VPS54: variants seen among roughly 807,000 people sequenced by gnomAD.
VPS54 encodes VPS54 subunit of GARP complex.
A neutral mutation model predicts 121.5 loss-of-function variants in VPS54; 45 were observed. That is an observed-to-expected ratio of 0.37 (90% CI 0.29 to 0.47). The LOEUF (loss-of-function observed/expected upper bound fraction) is 0.47. Ranked by LOEUF, VPS54 falls within the 20% of genes least tolerant of loss-of-function variation. The pLI is 0.99. For synonymous variants in VPS54, 371 were observed against 385.8 expected, an observed-to-expected ratio of 0.96 and a Z score of 0.45; for missense variants, 1,090 against 1,131.4, an observed-to-expected ratio of 0.96 and a Z score of 0.52.
At chr2:63,923,739 T>C (rs1461742250) in intron 12 of VPS54, among the ~76,000 whole-genome samples, 1 of 152,244 alleles carries the variant, frequency 6.6e-6, no homozygotes, top group East Asian at 1.9e-4. Context: ...GAAAAGTATT[T>C]CCTATTCTGT....
At chr2:63,954,048 A>C (rs1675381367) in intron 7 of VPS54, among the ~76,000 whole-genome samples, 1 of 152,200 alleles carries the variant, frequency 6.6e-6, no homozygotes, top group African/African-American at 2.4e-5. Flanking sequence ...TCCACTACAA[A>C]AGCCTAGAAA....
At chr2:64,007,678 C>T (rs1163571056) in intron 1 of VPS54, among the ~76,000 whole-genome samples, 3 of 152,106 alleles carry the variant, frequency 2.0e-5, no homozygotes, top group Non-Finnish European at 4.4e-5. Flanking sequence ...TACAGATAGT[C>T]ACAGGAAAGT....
At chr2:63,964,617 T>G (rs1017554164) in intron 6 of VPS54, among the ~76,000 whole-genome samples, 4 of 152,208 alleles carry the variant, frequency 2.6e-5, no homozygotes, top group African/African-American at 4.8e-5. Flanking sequence ...AAAACCTTTT[T>G]ATAGGTGACA....
At chr2:63,986,063 A>C (rs542786512) in intron 1 of VPS54, among the ~76,000 whole-genome samples, 43 of 152,304 alleles carry the variant, frequency 2.8e-4, no homozygotes, top group African/African-American at 1.0e-3. Flanking sequence ...ACAGCAAAAA[A>C]CATTTTTGAA....
Position 63,912,427 on chromosome 2 carries a change from T to G in VPS54, c.2545-2A>C, listed in dbSNP as rs1673188858. On this transcript the variant is annotated splice_acceptor_variant, in intron 19 of 22. Transcript: ENST00000272322. LOFTEE classifies it high-confidence loss of function. Reference sequence around the variant, plus strand: ...TTCAGCTATGTGATCATGGTAGTCCTGCAATGAGAAATGATAATTGTATTT... The same window carrying G: ...TTCAGCTATGTGATCATGGTAGTCCGGCAATGAGAAATGATAATTGTATTT... 6.2e-7 allele frequency: 1 copy of G among 1,612,196 alleles called. No individual in the cohort carries two copies. Among genetic ancestry groups the G allele is most frequent in the Non-Finnish European group, 8.5e-7 (1 of 1,178,992 alleles).
Position 63,944,709 on chromosome 2 carries a change from T to G in VPS54, c.1246-54A>C. 3 of 1,464,140 alleles carry G rather than the reference T, an allele frequency of 2.0e-6. No homozygotes were observed. In the South Asian group the frequency reaches 3.5e-5, roughly 17 times the overall value. The allele number at this position is 1,464,140 out of a possible 1,614,324, so 90.7% of individuals were successfully genotyped here. ...ATTTGATTAATTGTCTTTCAAATCCTAAGTATTCCATGTTCCATTTGTACA... is the reference window on the plus strand; with the variant it reads ...ATTTGATTAATTGTCTTTCAAATCCGAAGTATTCCATGTTCCATTTGTACA... On this transcript the variant is annotated intron_variant, in intron 9 of 22. Coordinates refer to ENST00000272322, the MANE Select transcript of VPS54 (RefSeq NM_016516.3).
rs569034631 is a variant in VPS54 at position 63,892,634 on chromosome 2, C to T, written c.*796G>A. On this transcript the variant is annotated 3_prime_UTR_variant, in exon 23 of 23. Coordinates refer to ENST00000272322, the MANE Select transcript of VPS54 (RefSeq NM_016516.3). ...GCTACAAATAAAAACACCCCAAACC[C>T]TTCATCATACTTTTATAAAAATACA... 6.5e-6 allele frequency: 1 copy of T among 152,672 alleles called. No homozygotes were observed. The highest frequency in any genetic ancestry group is 1.5e-5 in the Non-Finnish European group (1 of 68,028). 9.5% of individuals were successfully genotyped at this position (152,672 alleles called of 1,614,324 possible). A position where few individuals can be genotyped will look rare whatever the true frequency, so the allele number is the denominator to read the frequency against.
chr2:63,910,023 T>G (rs956772555), intron 20 of VPS54, among the ~76,000 whole-genome samples: 1 of 152,120 alleles, frequency 6.6e-6, no homozygotes, highest in Non-Finnish European at 1.5e-5. Context: ...CCACCGTGCC[T>G]GGCCACTTAT....
chr2:63,983,834 T>G (rs1354643437), intron 2 of VPS54, 30 bp downstream of exon 2: 3 of 1,570,560 alleles, frequency 1.9e-6, no homozygotes, highest in South Asian at 2.4e-5. Flanking sequence ...AAATCATCAG[T>G]AAAAATCCTA....
intron 1 of VPS54, among the ~76,000 whole-genome samples, chr2:63,987,426 C>A (rs1376109318): frequency 6.6e-6 from 1 of 152,070 alleles, no homozygotes; most frequent in Non-Finnish European, 1.5e-5. Context: ...TGGTTATATG[C>A]CAATACGTTG....
chr2:63,923,541 G>A (rs1188087767), intron 12 of VPS54, among the ~76,000 whole-genome samples: 1 of 152,048 alleles, frequency 6.6e-6, no homozygotes, highest in Admixed American at 6.5e-5. Flanking sequence ...TGGATGAACA[G>A]ATAAACAAAA....
At chr2:63,895,268 C>T (rs1672399088) in intron 22 of VPS54, among the ~76,000 whole-genome samples, 1 of 152,082 alleles carries the variant, frequency 6.6e-6, no homozygotes, top group African/African-American at 2.4e-5. Flanking sequence ...CCAGCCTGGC[C>T]AACATGGTAA....
At chr2:63,906,611 G>A (rs924700759) in intron 20 of VPS54, among the ~76,000 whole-genome samples, 6 of 152,140 alleles carry the variant, frequency 3.9e-5, no homozygotes, top group African/African-American at 1.4e-4. Flanking sequence ...AATTTCCATG[G>A]TGTAAATATT....
Position 63,893,454 on chromosome 2 carries a change from G to A in VPS54, c.2910C>T (p.Ala970=), listed in dbSNP as rs375104991. 7.8e-5 allele frequency: 126 copies of A among 1,613,754 alleles called. No individual in the cohort carries two copies. The highest frequency in any genetic ancestry group is 3.3e-4 in the Middle Eastern group (2 of 6,082). Residue 970 remains alanine (A), a synonymous_variant, in exon 23 of 23, where the codon GCC becomes GCT. Coordinates refer to ENST00000272322, the MANE Select transcript of VPS54 (RefSeq NM_016516.3). ...KGLKDLDLNM[A]EIWEQKR ...ATCACCTCTTCTGCTCCCAAATTTC[G>A]GCCATATTTAGGTCCAAATCTTTAA...
In VPS54 at chr2:63,896,790, A is replaced by G. The variant is rs376445034; in HGVS notation, c.2828+706T>C. Among the ~76,000 whole-genome samples, 575 of 152,278 alleles carry G rather than the reference A, an allele frequency of 3.8e-3. 39 individuals carry two copies. In the South Asian group the frequency reaches 0.1, roughly 27 times the overall value. ...ATTGATATTAATACGTAACTAAATGATCAGTGCTTTAAATTTTATAAAATC... is the reference window on the plus strand; with the variant it reads ...ATTGATATTAATACGTAACTAAATGGTCAGTGCTTTAAATTTTATAAAATC... On this transcript the variant is annotated intron_variant, in intron 22 of 22. Transcript: ENST00000272322.
At position 63,898,323 on chromosome 2, in the gene VPS54, TG is replaced by T. The variant is rs556125295; in HGVS notation, c.2734-734del. 7.2e-4 allele frequency among the ~76,000 whole-genome samples: 110 copies of T among 152,038 alleles called. 1 individual carries two copies. Among genetic ancestry groups the T allele is most frequent in the African/African-American group, 2.6e-3 (109 of 41,476 alleles). ...TGTCAGAGGTGGAGGATCTTACATGTGGAATGGAAAGGATGGCTTGGCTAAG... is the reference window on the plus strand; with the variant it reads ...TGTCAGAGGTGGAGGATCTTACATGTGAATGGAAAGGATGGCTTGGCTAAG... On this transcript the variant is annotated intron_variant, in intron 21 of 22. Coordinates refer to ENST00000272322, the MANE Select transcript of VPS54 (RefSeq NM_016516.3).
intron 20 of VPS54, among the ~76,000 whole-genome samples, chr2:63,906,979 T>C (rs1332388652): frequency 6.6e-6 from 1 of 152,174 alleles, no homozygotes; most frequent in Non-Finnish European, 1.5e-5. Flanking sequence ...GCTAAGACAG[T>C]GTGGTACTGG....
At chr2:63,999,173 C>G (rs1677752485) in intron 1 of VPS54, among the ~76,000 whole-genome samples, 1 of 152,166 alleles carries the variant, frequency 6.6e-6, no homozygotes, top group Non-Finnish European at 1.5e-5. Flanking sequence ...TAGTCTTCAA[C>G]TCCTGACCTC....
intron 3 of VPS54, 30 bp downstream of exon 3, chr2:63,981,616 T>A (rs763896600): frequency 6.5e-7 from 1 of 1,528,254 alleles, no homozygotes; most frequent in Admixed American, 2.2e-5. Context: ...ACTTTTGACC[T>A]GACTGTAACT....
Sources: gnomAD v4.1 joint callset for allele counts (sites outside exome capture counted in the v4.1 genomes callset) on GRCh38, gnomAD v4.1.1 for gene constraint, MANE v1.5 for transcripts, NCBI Gene and HGNC (gene_info 2026-07-23, HGNC 2026-07-21) for gene names.